Variants in ST6GALNAC5 observed in about 807,000 individuals in gnomAD.
ST6GALNAC5 encodes alpha-N-acetylgalactosaminide alpha-2,6-sialyltransferase 5.
In ST6GALNAC5, 27 loss-of-function variants were observed where a neutral mutation model predicts 33.6. The ratio of observed to expected loss-of-function variants is 0.80; its 90% CI spans 0.59 to 1.11. The LOEUF is 1.11. Ranked by LOEUF, ST6GALNAC5 falls within the 50% of genes least tolerant of loss-of-function variation. The pLI is 0.00. For missense variants in ST6GALNAC5, 428 were observed against 454.0 expected (o/e 0.94, Z 0.52); for synonymous variants, 194 against 171.2 (o/e 1.13, Z -1.04).
intron 2 of ST6GALNAC5, among the ~76,000 whole-genome samples, chr1:76,896,638 A>T (rs1654145180): frequency 6.6e-6 from 1 of 152,172 alleles, no homozygotes; most frequent in South Asian, 2.1e-4. Flanking sequence ...GTGTGGTATC[A>T]GGAATAATGT....
chr1:76,954,412 T>A (rs756511682), intron 2 of ST6GALNAC5, among the ~76,000 whole-genome samples: 1 of 152,012 alleles, frequency 6.6e-6, no homozygotes, highest in East Asian at 1.9e-4. Context: ...TCAGGAAGAA[T>A]AGCTAATTGA....
intron 2 of ST6GALNAC5, among the ~76,000 whole-genome samples, chr1:76,883,402 T>A (rs544734281): frequency 6.6e-6 from 1 of 152,332 alleles, no homozygotes; most frequent in African/African-American, 2.4e-5. Flanking sequence ...TTGTTGAATG[T>A]TGGGTAGGCA....
chr1:77,039,112 A>T (rs1570125345), intron 2 of ST6GALNAC5, among the ~76,000 whole-genome samples: 1 of 152,244 alleles, frequency 6.6e-6, no homozygotes, highest in South Asian at 2.1e-4. Flanking sequence ...TAGAGACCCC[A>T]CCCACCTGCC....
At chr1:76,960,187 C>T (rs952606213) in intron 2 of ST6GALNAC5, among the ~76,000 whole-genome samples, 5 of 152,026 alleles carry the variant, frequency 3.3e-5, no homozygotes, top group African/African-American at 7.3e-5. Context: ...AAGTGTCAGT[C>T]GGTCTGAGAA....
intron 2 of ST6GALNAC5, among the ~76,000 whole-genome samples, chr1:76,940,265 T>C (rs1647302275): frequency 6.6e-6 from 1 of 152,092 alleles, no homozygotes; most frequent in South Asian, 2.1e-4. Context: ...ATTAGTCTTA[T>C]ACCTGGCATG....
At position 77,065,302 on chromosome 1, in the gene ST6GALNAC5, G is replaced by T. The variant is rs1652734722; in HGVS notation, c.*2096G>T. Reference sequence around the variant, plus strand: ...CAACATGCAAGAATGTAATTATATTGCTTCATCTAATAATATCTCACATAT... The same window carrying T: ...CAACATGCAAGAATGTAATTATATTTCTTCATCTAATAATATCTCACATAT... On this transcript the variant is annotated 3_prime_UTR_variant, in exon 5 of 5. Coordinates refer to ENST00000477717, the MANE Select transcript of ST6GALNAC5 (RefSeq NM_030965.3). The T allele has an allele frequency of 6.6e-6, 1 of 152,028 alleles. No homozygotes were observed. The highest frequency in any genetic ancestry group is 2.1e-4 in the South Asian group (1 of 4,818). 9.4% of individuals were successfully genotyped at this position (152,028 alleles called of 1,614,324 possible).
At chr1:77,002,840 A>C (rs201470204) in intron 2 of ST6GALNAC5, among the ~76,000 whole-genome samples, 846 of 107,084 alleles carry the variant, frequency 7.9e-3, no homozygotes, top group African/African-American at 0.01. Context: ...GTTTGATTGC[A>C]CTGTGGTCTG....
intron 2 of ST6GALNAC5, among the ~76,000 whole-genome samples, chr1:76,898,280 C>A (rs866693826): frequency 6.6e-5 from 10 of 152,196 alleles, no homozygotes; most frequent in African/African-American, 2.2e-4. Context: ...CTGGCAGCTG[C>A]GGTTCAGGCC....
chr1:77,061,106 A>C (rs1216346711), intron 4 of ST6GALNAC5, among the ~76,000 whole-genome samples: 4 of 152,226 alleles, frequency 2.6e-5, no homozygotes, highest in African/African-American at 9.6e-5. Context: ...TTCTAGGGTA[A>C]GTAAATTAAT....
chr1:76,881,755 A>T (rs960714615), intron 2 of ST6GALNAC5, among the ~76,000 whole-genome samples: 1 of 152,250 alleles, frequency 6.6e-6, no homozygotes, highest in African/African-American at 2.4e-5. Context: ...GCTGCAAGTC[A>T]TAAATATCAA....
intron 2 of ST6GALNAC5, among the ~76,000 whole-genome samples, chr1:76,949,576 A>T (rs562638942): frequency 6.6e-6 from 1 of 152,202 alleles, no homozygotes; most frequent in South Asian, 2.1e-4. Flanking sequence ...GGACTAGACA[A>T]GGGCTCTTTC....
chr1:76,970,504 GA>G (rs1300384425), intron 2 of ST6GALNAC5, among the ~76,000 whole-genome samples: 91 of 151,926 alleles, frequency 6.0e-4, no homozygotes, highest in Non-Finnish European at 1.1e-3. Context: ...GAAGTTTAGA[GA>G]AAAAAAGAGT....
intron 2 of ST6GALNAC5, among the ~76,000 whole-genome samples, chr1:77,027,296 C>T (rs1651281144): frequency 6.6e-6 from 1 of 152,200 alleles, no homozygotes. Context: ...AGTCTCAGAG[C>T]ACCTACATTA....
intron 2 of ST6GALNAC5, among the ~76,000 whole-genome samples, chr1:77,032,530 A>T (rs573478147): frequency 6.6e-6 from 1 of 152,252 alleles, no homozygotes; most frequent in East Asian, 1.9e-4. Context: ...CTGACAGGTT[A>T]TTCTACATGG....
chr1:77,022,948 T>C (rs1192926693), intron 2 of ST6GALNAC5, among the ~76,000 whole-genome samples: 1 of 152,210 alleles, frequency 6.6e-6, no homozygotes, highest in Non-Finnish European at 1.5e-5. Context: ...TCCCATTACT[T>C]CAGACTGTGA....
intron 2 of ST6GALNAC5, among the ~76,000 whole-genome samples, chr1:76,944,433 A>G (rs1365540870): frequency 6.6e-6 from 1 of 152,044 alleles, no homozygotes; most frequent in Non-Finnish European, 1.5e-5. Flanking sequence ...TATTTAGGGT[A>G]CCAAGAATAA....
At chr1:77,005,140 C>T (rs550468590) in intron 2 of ST6GALNAC5, among the ~76,000 whole-genome samples, 10 of 152,342 alleles carry the variant, frequency 6.6e-5, no homozygotes, top group South Asian at 4.1e-4. Flanking sequence ...TAGCAATCAG[C>T]GAGACTCCGT....
chr1:76,908,395 C>A (rs975432379), intron 2 of ST6GALNAC5, among the ~76,000 whole-genome samples: 2 of 152,084 alleles, frequency 1.3e-5, no homozygotes, highest in Non-Finnish European at 2.9e-5. Context: ...GGTACTAATC[C>A]CATTCACGAG....
In ST6GALNAC5 at chr1:77,044,484, G is replaced by T. The variant is rs1411002763; in HGVS notation, c.542G>T (p.Gly181Val). Residue 181 changes from glycine (G) to valine (V), a missense_variant, in exon 3 of 5, where the codon GGC becomes GTC. Physicochemically the swap from Gly to Val is moderately radical, Grantham distance 109. Transcript: ENST00000477717. ...CCCAGCAGCTACATGCGGCGGGACGGCAAGGGCCAGGTCTACAACAACCTG... is the reference window on the plus strand; with the variant it reads ...CCCAGCAGCTACATGCGGCGGGACGTCAAGGGCCAGGTCTACAACAACCTG... ...WGPSSYMRRDGKGQVYNNLHL... is the reference protein window; with the variant it reads ...WGPSSYMRRDVKGQVYNNLHL... The T allele has an allele frequency of 1.9e-6, 3 of 1,613,212 alleles. No homozygotes were observed.
Sources: gnomAD v4.1 joint callset for allele counts (sites outside exome capture counted in the v4.1 genomes callset) on GRCh38, gnomAD v4.1.1 for gene constraint, MANE v1.5 for transcripts, NCBI Gene and HGNC (gene_info 2026-07-23, HGNC 2026-07-21) for gene names.